The following SEMA6A variants were observed in gnomAD, a reference collection of about 807,000 sequenced individuals.
SEMA6A encodes the protein semaphorin 6A.
In SEMA6A, 25 loss-of-function variants were observed where a neutral mutation model predicts 96.8. The ratio of observed to expected loss-of-function variants is 0.26; its 90% confidence interval spans 0.19 to 0.36. The LOEUF (loss-of-function observed/expected upper bound fraction) is 0.36, where lower values mean the gene tolerates loss of function less well. SEMA6A is among the 10% of genes least tolerant of loss of function. The pLI is 1.00. For synonymous variants in SEMA6A, 612 were observed against 518.0 expected (o/e 1.18, Z -2.46); for missense variants, 1,363 against 1,323.1 (o/e 1.03, Z -0.47).
chr5:116,472,855 TAA>T (rs200871722), intron 17 of SEMA6A: 20,096 of 1,288,374 alleles, frequency 0.016, no homozygotes, highest in South Asian at 0.031. Context: ...TTCACGAATT[TAA>T]AAAAAAAAAA....
intron 16 of SEMA6A, among the ~76,000 whole-genome samples, chr5:116,474,467 C>G (rs1443372428): frequency 2.0e-5 from 3 of 152,122 alleles, no homozygotes; most frequent in African/African-American, 7.2e-5. Context: ...TTTATTAACT[C>G]ATCAATTTTG....
At chr5:116,449,430 T>C (rs1580437053) in intron 18 of SEMA6A, 1 of 696,706 alleles carries the variant, frequency 1.4e-6, no homozygotes, top group African/African-American at 1.8e-5. Context: ...TGAAAGGAAA[T>C]AAAGATCTCT....
intron 1 of SEMA6A, among the ~76,000 whole-genome samples, chr5:116,506,371 T>C (rs1208940588): frequency 6.6e-6 from 1 of 152,228 alleles, no homozygotes; most frequent in Non-Finnish European, 1.5e-5. Flanking sequence ...CAATTCCATG[T>C]CTCCATCTCT....
chr5:116,570,256 C>A (rs1441361635), intron 1 of SEMA6A, among the ~76,000 whole-genome samples: 1 of 152,180 alleles, frequency 6.6e-6, no homozygotes, highest in Non-Finnish European at 1.5e-5. Context: ...GTTGCTCTTG[C>A]AGCACATTTT....
At chr5:116,566,022 G>T (rs960034421) in intron 1 of SEMA6A, among the ~76,000 whole-genome samples, 1 of 142,128 alleles carries the variant, frequency 7.0e-6, no homozygotes, top group African/African-American at 2.6e-5. Context: ...AAGAAGAATG[G>T]ATCTATCACA....
intron 16 of SEMA6A, among the ~76,000 whole-genome samples, chr5:116,473,427 A>G (rs1276502309): frequency 6.6e-6 from 1 of 152,246 alleles, no homozygotes; most frequent in Non-Finnish European, 1.5e-5. Flanking sequence ...ATGCATATGC[A>G]TAAGTGATAC....
Position 116,497,328 on chromosome 5 carries a change from T to C in SEMA6A, c.278A>G (p.Lys93Arg). The part of the protein sequence containing the change: ...TSHTEEIYCS[K>R]KLTWKSRQAD... ...AAATATAGTTTTAAAACAACTTACT[T>C]TGCTACAATAAATTTCTTCCGTGTG... Residue 93 changes from lysine (K) to arginine (R), a missense_variant and splice_region_variant, in exon 4 of 19, where the codon AAA (lysine) becomes AGA (arginine). Coordinates refer to ENST00000343348, the MANE Select transcript of SEMA6A (RefSeq NM_020796.5). 2 of 1,580,562 alleles carry C rather than the reference T, an allele frequency of 1.3e-6. No homozygotes were observed. Among genetic ancestry groups the C allele is most frequent in the Non-Finnish European group, 1.7e-6 (2 of 1,150,854 alleles).
At chr5:116,559,712 T>C (rs1264716134) in intron 1 of SEMA6A, among the ~76,000 whole-genome samples, 1 of 152,218 alleles carries the variant, frequency 6.6e-6, no homozygotes, top group African/African-American at 2.4e-5. Flanking sequence ...GTTCCTGTCC[T>C]GGCCAATGCC....
In SEMA6A at chr5:116,446,525, G is replaced by T; in HGVS notation, c.*88C>A. On this transcript the variant is annotated 3_prime_UTR_variant, in exon 19 of 19. Transcript: ENST00000343348. ...TGCCGCAGGCCTTCTTGGTCTGGTG[G>T]GTACTCGAGGCAGTTGAGAACCTTG... The T allele has an allele frequency of 8.8e-7, 1 of 1,139,398 alleles. No individual in the cohort carries two copies. Among genetic ancestry groups the T allele is most frequent in the Non-Finnish European group, 1.2e-6 (1 of 828,082 alleles). The allele number at this position is 1,139,398 out of a possible 1,614,324, so 70.6% of individuals were successfully genotyped here.
chr5:116,555,764 C>T (rs1760583349), intron 1 of SEMA6A, among the ~76,000 whole-genome samples: 1 of 152,086 alleles, frequency 6.6e-6, no homozygotes, highest in Admixed American at 6.6e-5. Flanking sequence ...GAGCTCGAGG[C>T]TGCAGTAAGC....
chr5:116,535,455 G>A (rs115973155), intron 1 of SEMA6A, among the ~76,000 whole-genome samples: 9 of 152,328 alleles, frequency 5.9e-5, no homozygotes, highest in Non-Finnish European at 1.2e-4. Flanking sequence ...GCATGTATGA[G>A]TAAGCAGCAG....
chr5:116,489,253 G>A (rs1757212400), intron 7 of SEMA6A, among the ~76,000 whole-genome samples: 1 of 152,136 alleles, frequency 6.6e-6, no homozygotes, highest in Admixed American at 6.6e-5. Flanking sequence ...GGCAGCAGCA[G>A]CAGCAGCTCA....
At chr5:116,453,483 A>G (rs1754780483) in intron 18 of SEMA6A, among the ~76,000 whole-genome samples, 1 of 152,244 alleles carries the variant, frequency 6.6e-6, no homozygotes, top group African/African-American at 2.4e-5. Flanking sequence ...TATCTTTTAA[A>G]TAAATAGTAA....
At chr5:116,466,819 T>G (rs1755787885) in intron 18 of SEMA6A, among the ~76,000 whole-genome samples, 1 of 152,150 alleles carries the variant, frequency 6.6e-6, no homozygotes, top group African/African-American at 2.4e-5. Flanking sequence ...CAAGACTGTT[T>G]TTTGGACAAG....
In SEMA6A at chr5:116,446,661, G is replaced by T; in HGVS notation, c.3045C>A (p.Ser1015=). ...SLKPDVPPKP[S]FAPLSTSMKP... ...TCATGGATGTGGAAAGGGGAGCAAAGGATGGTTTGGGGGGTACGTCCGGCT... is the reference window on the plus strand; with the variant it reads ...TCATGGATGTGGAAAGGGGAGCAAATGATGGTTTGGGGGGTACGTCCGGCT... The change falls in exon 19 of 19, where the codon TCC becomes TCA. Residue 1015 remains serine (S), a synonymous_variant. Coordinates refer to ENST00000343348, the MANE Select transcript of SEMA6A (RefSeq NM_020796.5). 18 of 1,541,008 alleles carry T rather than the reference G, an allele frequency of 1.2e-5. No individual in the cohort carries two copies. Among genetic ancestry groups the T allele is most frequent in the Non-Finnish European group, 1.6e-5 (18 of 1,142,732 alleles).
In SEMA6A at chr5:116,535,268, C is replaced by T. The variant is rs114078442; in HGVS notation, c.-38-30286G>A. 4.1e-3 allele frequency among the ~76,000 whole-genome samples: 627 copies of T among 152,248 alleles called. 4 individuals carry two copies. The highest frequency in any genetic ancestry group is 0.015 in the African/African-American group (613 of 41,536). On this transcript the variant is annotated intron_variant, in intron 1 of 18. Coordinates refer to ENST00000343348, the MANE Select transcript of SEMA6A (RefSeq NM_020796.5). ...TTAGACCAACTAATAAGGTCACTGA[C>T]CTGCGGGAGAAACAGAGAAGCTGGG... is the stretch of plus-strand genomic sequence containing the variant.
intron 7 of SEMA6A, among the ~76,000 whole-genome samples, chr5:116,490,386 G>A (rs141327864): frequency 2.5e-4 from 38 of 152,184 alleles, no homozygotes; most frequent in African/African-American, 8.7e-4. Flanking sequence ...ACAGGTGAGA[G>A]CTACCACTCC....
At position 116,497,358 on chromosome 5, in the gene SEMA6A, G is replaced by A; in HGVS notation, c.248C>T (p.Thr83Ile). The A allele has an allele frequency of 6.3e-7, 1 of 1,599,584 alleles. No individual in the cohort carries two copies. The highest frequency in any genetic ancestry group is 8.6e-7 in the Non-Finnish European group (1 of 1,167,886). The change falls in exon 4 of 19, where the codon ACA becomes ATA. Residue 83 changes from threonine (T) to isoleucine (I), a missense_variant. Physicochemically the swap from Thr to Ile is moderately conservative, Grantham distance 89. Around this residue, in one of 2 missense-constraint regions of SEMA6A, gnomAD observed 480 missense variants for 559.5 expected, o/e 0.86. Coordinates refer to ENST00000343348, the MANE Select transcript of SEMA6A (RefSeq NM_020796.5). The part of the protein sequence containing the change: ...RDHIYTVDID[T>I]SHTEEIYCSK... ...ACAATAAATTTCTTCCGTGTGTGATGTGTCTATATCAACAGTATAAATATG... is the reference window on the plus strand; with the variant it reads ...ACAATAAATTTCTTCCGTGTGTGATATGTCTATATCAACAGTATAAATATG...
At chr5:116,528,041 A>G (rs1176733241) in intron 1 of SEMA6A, among the ~76,000 whole-genome samples, 1 of 152,226 alleles carries the variant, frequency 6.6e-6, no homozygotes, top group Non-Finnish European at 1.5e-5. Context: ...CCTGTAGGTC[A>G]TATCATTTAG....
Sources: allele counts gnomAD v4.1 joint callset (sites outside exome capture counted in the v4.1 genomes callset), GRCh38; gene constraint gnomAD v4.1.1; regional missense constraint gnomAD v4.1.1; transcripts MANE v1.5; gene names NCBI Gene and HGNC (gene_info 2026-07-23, HGNC 2026-07-21).